The following TADA2A variants were observed in gnomAD, a reference collection of about 807,000 sequenced individuals.
TADA2A encodes the protein transcriptional adapter 2-alpha.
A neutral mutation model predicts 67.4 loss-of-function variants in TADA2A; 38 were observed. That is an observed-to-expected ratio of 0.56 (90% confidence interval 0.44 to 0.74). TADA2A has a LOEUF of 0.74. Among genes scored for constraint, TADA2A ranks in the 30% least tolerant of loss-of-function variants. TADA2A has a pLI of 0.00. For synonymous variants in TADA2A, 192 were observed against 181.6 expected (o/e 1.06, Z -0.46); for missense variants, 454 against 547.0 (o/e 0.83, Z 1.70).
At chr17:37,417,300 C>T (rs1426687744) in intron 2 of TADA2A, among the ~76,000 whole-genome samples, 5 of 150,534 alleles carry the variant, frequency 3.3e-5, no homozygotes, top group Admixed American at 1.3e-4. Flanking sequence ...CGCTTGAACC[C>T]GGGAGGCAGA....
At chr17:37,411,534 T>TG in intron 2 of TADA2A, 144 bp downstream of exon 2, 1 of 757,310 alleles carries the variant, frequency 1.3e-6, no homozygotes. Flanking sequence ...ACGGTTCTCC[T>TG]GCCTCAGCCG....
chr17:37,432,066 C>T (rs887367242), intron 4 of TADA2A, among the ~76,000 whole-genome samples: 6 of 151,836 alleles, frequency 4.0e-5, no homozygotes, highest in Admixed American at 6.6e-5. Context: ...TTTTTATCAG[C>T]GTAGATTGGT....
intron 14 of TADA2A, among the ~76,000 whole-genome samples, chr17:37,473,645 A>G (rs2285729): frequency 0.051 from 7,763 of 152,154 alleles, 551 homozygotes; most frequent in East Asian, 0.31. Flanking sequence ...CCAATCCCTA[A>G]TACACATTCA....
chr17:37,473,362 G>C (rs2053831898), intron 14 of TADA2A, among the ~76,000 whole-genome samples: 1 of 151,900 alleles, frequency 6.6e-6, no homozygotes, highest in South Asian at 2.1e-4. Context: ...TTTATGTTCT[G>C]AGTTCTTAAG....
At chr17:37,440,849 C>T (rs1037553428) in intron 6 of TADA2A, among the ~76,000 whole-genome samples, 187 bp downstream of exon 6, 1 of 152,114 alleles carries the variant, frequency 6.6e-6, no homozygotes, top group East Asian at 1.9e-4. Context: ...AATCCCAGCA[C>T]CTTGGGAGGC....
chr17:37,445,431 A>G (rs767043173), intron 8 of TADA2A, among the ~76,000 whole-genome samples: 8 of 151,992 alleles, frequency 5.3e-5, no homozygotes, highest in Non-Finnish European at 1.0e-4. Context: ...ATGCCCAGCT[A>G]ATTTTTGTTT....
chr17:37,444,661 G>T, intron 7 of TADA2A, 35 bp from the exon 8 acceptor site: 1 of 1,587,440 alleles, frequency 6.3e-7, no homozygotes, highest in Non-Finnish European at 8.6e-7. Context: ...AAGCCGATGG[G>T]TTTGGGGTGG....
At chr17:37,439,224 C>A (rs981328831) in intron 5 of TADA2A, among the ~76,000 whole-genome samples, 3 of 151,926 alleles carry the variant, frequency 2.0e-5, no homozygotes, top group Non-Finnish European at 4.4e-5. Flanking sequence ...TCCTCAGACT[C>A]CCAAGTAGTT....
chr17:37,433,049 T>A (rs541673802), intron 4 of TADA2A, among the ~76,000 whole-genome samples: 27 of 151,716 alleles, frequency 1.8e-4, no homozygotes, highest in African/African-American at 6.0e-4. Flanking sequence ...CTGTATGGGT[T>A]TTCCTTCCCT....
rs74663657 is a variant in TADA2A, at chr17:37,470,029, G to A, written c.896-371G>A. Among the ~76,000 whole-genome samples, 695 of 152,216 alleles carry A rather than the reference G, an allele frequency of 4.6e-3. 2 individuals carry two copies. Among genetic ancestry groups the A allele is most frequent in the Middle Eastern group, 0.01 (3 of 294 alleles). Reference sequence around the variant, plus strand: ...AAAGGCATATGCTTATAGCACTTGTGTGACTTTGAAAAAATTTATAAAAAT... The same window carrying A: ...AAAGGCATATGCTTATAGCACTTGTATGACTTTGAAAAAATTTATAAAAAT... On this transcript the variant is annotated intron_variant, in intron 12 of 15. Coordinates refer to ENST00000615182, the MANE Select transcript of TADA2A (RefSeq NM_001166105.3).
chr17:37,456,778 T>C (rs2053404440), intron 8 of TADA2A, among the ~76,000 whole-genome samples: 1 of 152,024 alleles, frequency 6.6e-6, no homozygotes, highest in Non-Finnish European at 1.5e-5. Flanking sequence ...AGTAGAGGAA[T>C]TTATAGGACT....
chr17:37,452,571 T>A (rs1297839860), intron 8 of TADA2A, among the ~76,000 whole-genome samples: 1 of 152,214 alleles, frequency 6.6e-6, no homozygotes, highest in Non-Finnish European at 1.5e-5. Flanking sequence ...TCAGAGGCAC[T>A]TCCTATCCTT....
intron 8 of TADA2A, among the ~76,000 whole-genome samples, chr17:37,457,811 T>A (rs1437863038): frequency 6.6e-6 from 1 of 152,142 alleles, no homozygotes; most frequent in Non-Finnish European, 1.5e-5. Flanking sequence ...TTCATTCTTA[T>A]GAGTACTCTG....
chr17:37,457,925 T>C (rs561534294), intron 8 of TADA2A, among the ~76,000 whole-genome samples: 57 of 152,322 alleles, frequency 3.7e-4, no homozygotes, highest in African/African-American at 1.2e-3. Flanking sequence ...AAGGAGAATT[T>C]TTTTTAACTT....
intron 4 of TADA2A, among the ~76,000 whole-genome samples, chr17:37,433,686 C>T (rs1161168289): frequency 6.6e-6 from 1 of 151,824 alleles, no homozygotes; most frequent in African/African-American, 2.4e-5. Context: ...AGCTCGGTTC[C>T]TCATGCCTGT....
intron 11 of TADA2A, chr17:37,465,790 A>G (rs1025089379): frequency 6.8e-6 from 4 of 586,380 alleles, no homozygotes; most frequent in Non-Finnish European, 1.2e-5. Flanking sequence ...ACTTTGTATC[A>G]TGGGAACTTT....
At chr17:37,440,075 C>T (rs1301290693) in intron 5 of TADA2A, among the ~76,000 whole-genome samples, 2 of 151,692 alleles carry the variant, frequency 1.3e-5, no homozygotes, top group Non-Finnish European at 2.9e-5. Flanking sequence ...TCCCAAGTAG[C>T]TGGGATTACA....
intron 4 of TADA2A, among the ~76,000 whole-genome samples, chr17:37,431,293 C>G (rs755071699): frequency 6.6e-6 from 1 of 152,100 alleles, no homozygotes; most frequent in Non-Finnish European, 1.5e-5. Flanking sequence ...AGATTAGGCA[C>G]AGTGAGGGTG....
At chr17:37,412,340 G>C (rs1217411315) in intron 2 of TADA2A, among the ~76,000 whole-genome samples, 2 of 152,120 alleles carry the variant, frequency 1.3e-5, no homozygotes, top group Non-Finnish European at 2.9e-5. Flanking sequence ...CAGGCACCTT[G>C]ATAAGAAATG....
Sources: gnomAD v4.1 joint callset for allele counts (sites outside exome capture counted in the v4.1 genomes callset) on GRCh38, gnomAD v4.1.1 for gene constraint, MANE v1.5 for transcripts, NCBI Gene and HGNC (gene_info 2026-07-23, HGNC 2026-07-21) for gene names.